The following RALGAPA1 variants were observed in gnomAD, a reference collection of about 807,000 sequenced individuals.
The protein encoded by RALGAPA1 is ral GTPase-activating protein subunit alpha-1.
A neutral mutation model predicts 269.6 loss-of-function variants in RALGAPA1; 52 were observed. That is an observed-to-expected ratio of 0.19 (90% CI 0.15 to 0.24). The LOEUF is 0.24. Ranked by LOEUF, RALGAPA1 falls within the 10% of genes least tolerant of loss-of-function variation. The probability of loss-of-function intolerance (pLI) is 1.00; values close to 1 mark genes in which losing one functional copy is unlikely to be tolerated. For missense variants in RALGAPA1, 1,917 were observed against 3,013.9 expected, an observed-to-expected ratio of 0.64 and a Z score of 8.52; for synonymous variants, 817 against 1,008.3, an observed-to-expected ratio of 0.81 and a Z score of 3.60.
chr14:35,620,708 T>G (rs1594847330), intron 35 of RALGAPA1, among the ~76,000 whole-genome samples: 1 of 152,194 alleles, frequency 6.6e-6, no homozygotes, highest in Non-Finnish European at 1.5e-5. Flanking sequence ...AGCATTCCTA[T>G]ACATCATTAA....
At chr14:35,630,197 T>G (rs1479711918) in intron 33 of RALGAPA1, among the ~76,000 whole-genome samples, 1 of 152,230 alleles carries the variant, frequency 6.6e-6, no homozygotes, top group Non-Finnish European at 1.5e-5. Flanking sequence ...TGGTTGATTT[T>G]AAAATGTTGC....
At chr14:35,556,793 C>T (rs747761982) in intron 39 of RALGAPA1, among the ~76,000 whole-genome samples, 7 of 152,152 alleles carry the variant, frequency 4.6e-5, no homozygotes, top group African/African-American at 7.2e-5. Flanking sequence ...CCAGATGACT[C>T]AAAATCCATA....
intron 17 of RALGAPA1, among the ~76,000 whole-genome samples, chr14:35,692,837 G>A (rs1390415646): frequency 6.6e-6 from 1 of 151,898 alleles, no homozygotes; most frequent in Admixed American, 6.6e-5. Flanking sequence ...TACATTAGTT[G>A]AGCAAATATA....
chr14:35,703,724 CACAT>C (rs1358752454), intron 16 of RALGAPA1, among the ~76,000 whole-genome samples: 1 of 152,074 alleles, frequency 6.6e-6, no homozygotes, highest in Non-Finnish European at 1.5e-5. Context: ...ATTCCTAAGA[CACAT>C]ACATCAGTGA....
In RALGAPA1 at chr14:35,549,160, G is replaced by A. The variant is rs2054736716; in HGVS notation, c.7571C>T (p.Ala2524Val). 9 of 1,611,752 alleles carry A rather than the reference G, an allele frequency of 5.6e-6. No homozygotes were observed. The highest frequency in any genetic ancestry group is 7.6e-6 in the Non-Finnish European group (9 of 1,179,024). ...GGGAGCTGGAGAAAAAACCTGTGCT[G>A]CAAAATCTTCAAATGTTGTTGGTTC... is the stretch of plus-strand genomic sequence containing the variant. ...HLEPTTFEDF[A>V]AQVFSPAPYH... Residue 2524 changes from alanine (A) to valine (V), a missense_variant, in exon 40 of 42, where the codon GCA becomes GTA. Around this residue, in one of 11 missense-constraint regions of RALGAPA1, gnomAD observed 91 missense variants for 130.9 expected, o/e 0.70. Coordinates refer to ENST00000680220, the MANE Select transcript of RALGAPA1 (RefSeq NM_001346249.2).
chr14:35,673,984 A>C (rs1299606779), intron 24 of RALGAPA1, among the ~76,000 whole-genome samples, 196 bp downstream of exon 24: 1 of 152,216 alleles, frequency 6.6e-6, no homozygotes, highest in East Asian at 1.9e-4. Flanking sequence ...TGTTTTATGA[A>C]ATAATCAAAA....
At chr14:35,751,932 T>G in intron 8 of RALGAPA1, 92 bp downstream of exon 8, 1 of 1,483,244 alleles carries the variant, frequency 6.7e-7, no homozygotes. Context: ...TTAAATATGA[T>G]CAGTTTCCTG....
intron 33 of RALGAPA1, among the ~76,000 whole-genome samples, chr14:35,630,124 C>T (rs1012278084): frequency 6.6e-6 from 1 of 152,176 alleles, no homozygotes; most frequent in Non-Finnish European, 1.5e-5. Context: ...CAACCAGCTG[C>T]TATGCCATTG....
intron 36 of RALGAPA1, among the ~76,000 whole-genome samples, chr14:35,596,939 C>T (rs1010724759): frequency 1.2e-4 from 19 of 152,102 alleles, no homozygotes; most frequent in African/African-American, 4.3e-4. Context: ...CATTCTGCAT[C>T]TTGCTTTTGG....
chr14:35,569,522 TA>T (rs1238143569), intron 39 of RALGAPA1, among the ~76,000 whole-genome samples: 5 of 152,160 alleles, frequency 3.3e-5, no homozygotes, highest in Non-Finnish European at 7.4e-5. Flanking sequence ...TCAAAAAGGT[TA>T]AATAATTTTC....
intron 20 of RALGAPA1, 143 bp downstream of exon 20, chr14:35,684,786 T>C: frequency 1.2e-6 from 1 of 806,544 alleles, no homozygotes; most frequent in Non-Finnish European, 1.9e-6. Flanking sequence ...CAAGACCAAA[T>C]ATCTAATTTT....
intron 3 of RALGAPA1, among the ~76,000 whole-genome samples, chr14:35,773,963 G>C (rs962998409): frequency 6.6e-5 from 10 of 151,980 alleles, no homozygotes; most frequent in Middle Eastern, 3.4e-3. Flanking sequence ...TCTTGCCCAA[G>C]AGTGCAGTGG....
At position 35,748,830 on chromosome 14, in the gene RALGAPA1, ATAC is replaced by A; in HGVS notation, c.1012-9_1012-7del. The stretch of plus-strand genomic sequence containing the variant: ...ACTAAACTAGCAGCTGCTCTCTAAA[ATAC>A]AAAAAAAAAAAAAAAAGAGAGAAAC... On this transcript the variant is annotated splice_polypyrimidine_tract_variant and splice_region_variant and intron_variant, in intron 9 of 41. Transcript: ENST00000680220. The A allele has an allele frequency of 5.2e-6, 8 of 1,543,440 alleles. No homozygotes were observed. The highest frequency in any genetic ancestry group is 4.3e-5 in the Admixed American group (2 of 46,154).
intron 19 of RALGAPA1, 65 bp from the exon 20 acceptor site, chr14:35,685,210 C>T (rs1158545554): frequency 1.5e-6 from 2 of 1,370,270 alleles, no homozygotes; most frequent in East Asian, 5.0e-5. Flanking sequence ...CATCTGAAAC[C>T]TTTAATTTCC....
rs1019272243 is a variant in RALGAPA1 at position 35,744,097 on chromosome 14, C to T, written c.1252-1532G>A. On this transcript the variant is annotated intron_variant, in intron 10 of 41. Transcript: ENST00000680220. ...CAAATAGAATTAAATTGCTGCCGGG[C>T]GCGGTGGCTCACGCCTGTAATCCTA... Among the ~76,000 whole-genome samples, 6 of 152,188 alleles carry T rather than the reference C, an allele frequency of 3.9e-5. No individual in the cohort carries two copies. In the East Asian group the frequency reaches 5.8e-4, roughly 15 times the overall value.
chr14:35,689,051 GCTAGTA>G lies in RALGAPA1; in HGVS notation c.3354_3359del (p.Thr1119_Ser1120del). 1 of 1,235,964 alleles carries G rather than the reference GCTAGTA, an allele frequency of 8.1e-7. No individual in the cohort carries two copies. The allele number at this position is 1,235,964 out of a possible 1,614,324, so 76.6% of individuals were successfully genotyped here. ...AGCTCCTTTTAGTTGGAGAAAGTTT[GCTAGTA>G]CTTGTAACATGAGGCATTCTGCGGT... On this transcript the variant is annotated inframe_deletion, in exon 18 of 42. Coordinates refer to ENST00000680220, the MANE Select transcript of RALGAPA1 (RefSeq NM_001346249.2).
At chr14:35,724,924 G>A (rs2069750353) in intron 14 of RALGAPA1, 100 bp downstream of exon 14, 2 of 952,856 alleles carry the variant, frequency 2.1e-6, no homozygotes, top group East Asian at 3.0e-5. Flanking sequence ...CTGGTAACAA[G>A]TTCAGGGTTC....
chr14:35,784,622 A>G (rs2075677304), intron 1 of RALGAPA1, among the ~76,000 whole-genome samples: 1 of 152,140 alleles, frequency 6.6e-6, no homozygotes, highest in Non-Finnish European at 1.5e-5. Context: ...TGAGAGCTAT[A>G]CCTTCTTGGC....
chr14:35,710,068 T>G (rs1013023908), intron 16 of RALGAPA1, among the ~76,000 whole-genome samples: 1 of 152,176 alleles, frequency 6.6e-6, no homozygotes, highest in African/African-American at 2.4e-5. Flanking sequence ...GCTATTCACT[T>G]CATTTATGTC....
Sources: allele counts gnomAD v4.1 joint callset (sites outside exome capture counted in the v4.1 genomes callset), GRCh38; gene constraint gnomAD v4.1.1; regional missense constraint gnomAD v4.1.1; transcripts MANE v1.5; gene names NCBI Gene and HGNC (gene_info 2026-07-23, HGNC 2026-07-21).